THOC7: variants seen among roughly 807,000 people sequenced by gnomAD.
THOC7 encodes the protein NIF3L1-binding protein 1.
In THOC7, 22 loss-of-function variants were observed where a neutral mutation model predicts 33.1. That is an observed-to-expected ratio of 0.66 (90% confidence interval 0.47 to 0.95). The LOEUF (loss-of-function observed/expected upper bound fraction) is 0.95. THOC7 is among the 40% of genes least tolerant of loss of function. The pLI is 0.00. For missense variants in THOC7, 184 were observed against 245.3 expected (o/e 0.75, Z 1.67); for synonymous variants, 77 against 76.8 (o/e 1.00, Z -0.01).
At chr3:63,841,159 T>G (rs1300543042) in intron 1 of THOC7, among the ~76,000 whole-genome samples, 1 of 152,024 alleles carries the variant, frequency 6.6e-6, no homozygotes, top group Non-Finnish European at 1.5e-5. Flanking sequence ...ACAAAACAGG[T>G]GTAGAAAAGC....
chr3:63,835,253 A>C, intron 6 of THOC7, 30 bp from the exon 7 acceptor site: 1 of 1,612,868 alleles, frequency 6.2e-7, no homozygotes, highest in Non-Finnish European at 8.5e-7. Context: ...ATTTATACAA[A>C]TGACCTGTAT....
chr3:63,861,697 C>G (rs371158556), intron 1 of THOC7: 2 of 151,996 alleles, frequency 1.3e-5, no homozygotes, highest in Admixed American at 6.6e-5. Flanking sequence ...AACAGCACTA[C>G]GTAAACGTTA....
At chr3:63,851,545 C>T (rs534322453) in intron 1 of THOC7, among the ~76,000 whole-genome samples, 4 of 152,316 alleles carry the variant, frequency 2.6e-5, no homozygotes, top group African/African-American at 7.2e-5. Context: ...AAGAGAATAA[C>T]AGCTAATTTC....
chr3:63,852,947 T>A (rs1702045016), intron 1 of THOC7, among the ~76,000 whole-genome samples: 1 of 152,096 alleles, frequency 6.6e-6, no homozygotes, highest in Non-Finnish European at 1.5e-5. Context: ...GGTCAGGAGT[T>A]TGAGACCAGG....
At chr3:63,857,553 C>T (rs1468929814) in intron 1 of THOC7, among the ~76,000 whole-genome samples, 4 of 152,152 alleles carry the variant, frequency 2.6e-5, no homozygotes, top group South Asian at 4.1e-4. Flanking sequence ...GTGTTACATT[C>T]CTTATGGTAA....
intron 1 of THOC7, among the ~76,000 whole-genome samples, chr3:63,848,880 T>G (rs900933431): frequency 1.1e-4 from 16 of 152,236 alleles, no homozygotes; most frequent in African/African-American, 3.6e-4. Flanking sequence ...AAGCATACTT[T>G]TATGAATAAA....
chr3:63,848,479 A>T (rs1559606983), intron 1 of THOC7: 1 of 152,178 alleles, frequency 6.6e-6, no homozygotes, highest in Non-Finnish European at 1.5e-5. Context: ...CTGAACCAAT[A>T]TACATCTTAC....
chr3:63,861,993 G>GTT (rs1285990515), intron 1 of THOC7, among the ~76,000 whole-genome samples: 1 of 152,006 alleles, frequency 6.6e-6, no homozygotes, highest in Non-Finnish European at 1.5e-5. Context: ...GTCTCACTAT[G>GTT]TTTTCCAGGC....
chr3:63,861,885 C>T (rs554358304), intron 1 of THOC7: 1 of 152,078 alleles, frequency 6.6e-6, no homozygotes, highest in South Asian at 2.1e-4. Context: ...CTCAACCTCC[C>T]AGGCTCAAGT....
chr3:63,845,186 T>C (rs1701862333), intron 1 of THOC7: 5 of 494,652 alleles, frequency 1.0e-5, no homozygotes, highest in East Asian at 8.9e-5. Flanking sequence ...TTTAAGTATT[T>C]AAGCTCGCTG....
intron 1 of THOC7, among the ~76,000 whole-genome samples, chr3:63,857,835 C>A (rs1702141969): frequency 6.6e-6 from 1 of 152,126 alleles, no homozygotes; most frequent in Non-Finnish European, 1.5e-5. Flanking sequence ...TCTTTTCTCT[C>A]TATTTAAATG....
intron 1 of THOC7, among the ~76,000 whole-genome samples, chr3:63,860,199 C>T (rs546110987): frequency 6.6e-6 from 1 of 151,904 alleles, no homozygotes; most frequent in East Asian, 1.9e-4. Flanking sequence ...CCACCACACA[C>T]GCCTGGCTAA....
At chr3:63,835,488 A>T in intron 5 of THOC7, 98 bp from the exon 6 acceptor site, 1 of 1,086,596 alleles carries the variant, frequency 9.2e-7, no homozygotes, top group Non-Finnish European at 1.3e-6. Flanking sequence ...TTTTTAAAAT[A>T]AAAAAAGGGC....
intron 1 of THOC7, chr3:63,845,215 G>T (rs149216656): frequency 8.5e-6 from 4 of 472,048 alleles, no homozygotes; most frequent in Non-Finnish European, 1.5e-5. Flanking sequence ...GGCTTTGGGG[G>T]TATCAAGATT....
At chr3:63,839,832 AC>A in intron 1 of THOC7, 59 bp from the exon 2 acceptor site, 1 of 1,335,190 alleles carries the variant, frequency 7.5e-7, no homozygotes, top group Non-Finnish European at 1.1e-6. Context: ...AGTACAAATA[AC>A]CAGTATCACT....
At chr3:63,838,956 C>T (rs1403638017) in intron 2 of THOC7, among the ~76,000 whole-genome samples, 1 of 152,086 alleles carries the variant, frequency 6.6e-6, no homozygotes, top group Non-Finnish European at 1.5e-5. Context: ...TTTGGGAAGC[C>T]AAGGTGGGCA....
chr3:63,853,113 T>G (rs1016658690), intron 1 of THOC7, among the ~76,000 whole-genome samples: 1 of 145,484 alleles, frequency 6.9e-6, no homozygotes, highest in East Asian at 2.0e-4. Flanking sequence ...ATCTCGCCAC[T>G]GCACTCTAGC....
intron 1 of THOC7, chr3:63,861,544 G>A (rs930644003): frequency 2.0e-5 from 3 of 152,170 alleles, no homozygotes; most frequent in Non-Finnish European, 4.4e-5. Context: ...AGCAGACACA[G>A]GACGCATAAT....
At chr3:63,847,922 C>A (rs1240502498) in intron 1 of THOC7, among the ~76,000 whole-genome samples, 2 of 152,086 alleles carry the variant, frequency 1.3e-5, no homozygotes, top group Non-Finnish European at 2.9e-5. Context: ...CTAGTTTAGG[C>A]CATGATGGGA....
Sources: gnomAD v4.1 joint callset for allele counts (sites outside exome capture counted in the v4.1 genomes callset) on GRCh38, gnomAD v4.1.1 for gene constraint, MANE v1.5 for transcripts, NCBI Gene and HGNC (gene_info 2026-07-23, HGNC 2026-07-21) for gene names.